The following DNAH11 variants were observed in gnomAD, a reference collection of about 807,000 sequenced individuals.
DNAH11 encodes dynein axonemal heavy chain 11.
A neutral mutation model predicts 526.0 loss-of-function variants in DNAH11; 442 were observed. That is an observed-to-expected ratio of 0.84 (90% CI 0.78 to 0.91). The LOEUF is 0.91. Among genes scored for constraint, DNAH11 ranks in the 40% least tolerant of loss-of-function variants. DNAH11 has a pLI of 0.00. For missense variants in DNAH11, 6,989 were observed against 5,448.7 expected, an observed-to-expected ratio of 1.28 and a Z score of -8.90; for synonymous variants, 2,461 against 1,935.9, an observed-to-expected ratio of 1.27 and a Z score of -7.12.
At chr7:21,846,399 C>G (rs978471217) in intron 66 of DNAH11, among the ~76,000 whole-genome samples, 5 of 152,090 alleles carry the variant, frequency 3.3e-5, no homozygotes, top group Non-Finnish European at 5.9e-5. Flanking sequence ...AAGTTCCCCT[C>G]TATTTCTAAT....
At chr7:21,593,931 ACT>A (rs1183786956) in intron 14 of DNAH11, among the ~76,000 whole-genome samples, 1 of 148,520 alleles carries the variant, frequency 6.7e-6, no homozygotes. Context: ...ACACACACAC[ACT>A]CTCTTTCACA....
At chr7:21,822,396 C>T (rs1466757435) in intron 65 of DNAH11, among the ~76,000 whole-genome samples, 1 of 152,096 alleles carries the variant, frequency 6.6e-6, no homozygotes, top group Non-Finnish European at 1.5e-5. Context: ...GGAGGGAGGA[C>T]ACCAAGCCAT....
intron 37 of DNAH11, chr7:21,703,722 G>A (rs550716878): frequency 1.3e-5 from 2 of 152,140 alleles, no homozygotes; most frequent in South Asian, 2.1e-4. Flanking sequence ...ATATCACCAT[G>A]TGTATGTGCA....
intron 28 of DNAH11, among the ~76,000 whole-genome samples, chr7:21,645,397 A>G (rs571495522): frequency 6.6e-6 from 1 of 152,342 alleles, no homozygotes; most frequent in African/African-American, 2.4e-5. Flanking sequence ...GCATTTAAAG[A>G]GTATTGAAGA....
At chr7:21,779,212 A>C in intron 57 of DNAH11, 108 bp downstream of exon 57, 1 of 1,337,654 alleles carries the variant, frequency 7.5e-7, no homozygotes, top group Non-Finnish European at 1.0e-6. Flanking sequence ...ATAAAGTCTA[A>C]AGAATTATTA....
intron 28 of DNAH11, among the ~76,000 whole-genome samples, chr7:21,640,035 A>G (rs1344707114): frequency 1.3e-5 from 2 of 152,120 alleles, no homozygotes; most frequent in Admixed American, 6.5e-5. Flanking sequence ...CCTAAATTCA[A>G]TTGGTTGGCT....
At chr7:21,859,943 A>G (rs763928531) in intron 68 of DNAH11, among the ~76,000 whole-genome samples, 2 of 152,298 alleles carry the variant, frequency 1.3e-5, no homozygotes, top group Middle Eastern at 3.4e-3. Flanking sequence ...ATAAGTGGAC[A>G]TTTCTCCAAA....
intron 5 of DNAH11, 39 bp from the exon 6 acceptor site, chr7:21,564,147 C>G: frequency 3.8e-6 from 4 of 1,061,436 alleles, no homozygotes; most frequent in Non-Finnish European, 5.0e-6. Context: ...AAAAAAAAAA[C>G]AAACCAGAAT....
intron 63 of DNAH11, among the ~76,000 whole-genome samples, chr7:21,811,570 G>A (rs1384275821): frequency 6.6e-6 from 1 of 152,144 alleles, no homozygotes; most frequent in Non-Finnish European, 1.5e-5. Flanking sequence ...GCTGGCAGAG[G>A]GAGGAATGGG....
intron 21 of DNAH11, 107 bp from the exon 22 acceptor site, chr7:21,616,102 T>C (rs541958056): frequency 5.4e-5 from 44 of 816,228 alleles, no homozygotes; most frequent in African/African-American, 1.0e-4. Flanking sequence ...AAATTGACTT[T>C]CCACTGGATG....
At chr7:21,582,430 A>G (rs1392002689) in intron 9 of DNAH11, among the ~76,000 whole-genome samples, 2 of 152,180 alleles carry the variant, frequency 1.3e-5, no homozygotes, top group African/African-American at 4.8e-5. Context: ...ACAAATAGCA[A>G]TTTATATACT....
intron 32 of DNAH11, among the ~76,000 whole-genome samples, chr7:21,686,337 C>T (rs1282127659): frequency 6.6e-6 from 1 of 152,178 alleles, no homozygotes; most frequent in Non-Finnish European, 1.5e-5. Flanking sequence ...ATGTGTATAT[C>T]ATTCACTAGA....
At chr7:21,614,340 CT>C (rs1291239852) in intron 20 of DNAH11, among the ~76,000 whole-genome samples, 1 of 152,146 alleles carries the variant, frequency 6.6e-6, no homozygotes, top group African/African-American at 2.4e-5. Flanking sequence ...CAAAGAGCAG[CT>C]TGAGCACAGA....
At chr7:21,823,398 C>A (rs373679140) in intron 65 of DNAH11, among the ~76,000 whole-genome samples, 1 of 152,026 alleles carries the variant, frequency 6.6e-6, no homozygotes, top group Non-Finnish European at 1.5e-5. Context: ...CACAGATAAT[C>A]CCCCCTCCTG....
At chr7:21,743,434 T>A (rs528914565) in intron 49 of DNAH11, among the ~76,000 whole-genome samples, 6 of 152,328 alleles carry the variant, frequency 3.9e-5, no homozygotes, top group Admixed American at 6.5e-5. Context: ...TCTGGAATTA[T>A]TTTTTTAAAT....
Position 21,682,901 on chromosome 7 carries a change from G to T in DNAH11, c.5461-883G>T, listed in dbSNP as rs181515257. Among the ~76,000 whole-genome samples, 11 of 152,146 alleles carry T rather than the reference G, an allele frequency of 7.2e-5. No homozygotes were observed. The East Asian group carries it at 2.1e-3, about 29-fold the overall frequency. On this transcript the variant is annotated intron_variant, in intron 31 of 81. Coordinates refer to ENST00000409508, the MANE Select transcript of DNAH11 (RefSeq NM_001277115.2). The stretch of plus-strand genomic sequence containing the variant: ...CACTAGTGAGCAATATTCTTTAATT[G>T]CTAGTCCAAAACTTTTCCTTGCAAA...
chr7:21,887,547 C>G (rs1217547452), intron 76 of DNAH11, among the ~76,000 whole-genome samples: 3 of 152,146 alleles, frequency 2.0e-5, no homozygotes, highest in Non-Finnish European at 4.4e-5. Context: ...GTAATTGACC[C>G]TCTCTTAGCC....
At chr7:21,804,082 TTTTTGTTTTG>T (rs10549465) in intron 62 of DNAH11, among the ~76,000 whole-genome samples, 57,445 of 147,306 alleles carry the variant, frequency 0.39, 12,061 homozygotes, top group East Asian at 0.79. Flanking sequence ...GTAGTAGTTT[TTTTTGTTTTG>T]TTTTGTTTTG....
chr7:21,784,047 G>A (rs2127985469), intron 57 of DNAH11, among the ~76,000 whole-genome samples: 1 of 152,286 alleles, frequency 6.6e-6, no homozygotes, highest in South Asian at 2.1e-4. Context: ...ACATTTTGTG[G>A]TCTAGGTTAC....
Sources: gnomAD v4.1 joint callset for allele counts (sites outside exome capture counted in the v4.1 genomes callset) on GRCh38, gnomAD v4.1.1 for gene constraint, MANE v1.5 for transcripts, NCBI Gene and HGNC (gene_info 2026-07-23, HGNC 2026-07-21) for gene names.